KIF26B: variants seen among roughly 807,000 people sequenced by gnomAD.
The protein encoded by KIF26B is kinesin family member 26B, also known as kinesin-like protein KIF26B.
Under a neutral mutation model 151.2 loss-of-function variants are expected in KIF26B, and 63 were observed. That is an observed-to-expected ratio of 0.42 (90% CI 0.34 to 0.51). KIF26B has a LOEUF of 0.51. KIF26B is among the 20% of genes least tolerant of loss of function. KIF26B has a pLI of 0.07. For missense variants in KIF26B, 2,813 were observed against 2,913.6 expected, an observed-to-expected ratio of 0.97 and a Z score of 0.79; for synonymous variants, 1,357 against 1,262.1, an observed-to-expected ratio of 1.08 and a Z score of -1.59.
chr1:245,410,424 A>T (rs1093938), intron 3 of KIF26B, among the ~76,000 whole-genome samples: 101,613 of 151,952 alleles, frequency 0.67, 35,121 homozygotes, highest in African/African-American at 0.85. Flanking sequence ...AACAAGTAAC[A>T]CTCTGGTGTT....
chr1:245,683,843 C>T (rs2044470829), intron 10 of KIF26B, among the ~76,000 whole-genome samples: 1 of 152,172 alleles, frequency 6.6e-6, no homozygotes, highest in African/African-American at 2.4e-5. Context: ...TGTGTGGAAA[C>T]CCTGGAGAAA....
chr1:245,423,688 G>A (rs1193503356), intron 4 of KIF26B, among the ~76,000 whole-genome samples: 1 of 152,066 alleles, frequency 6.6e-6, no homozygotes, highest in East Asian at 1.9e-4. Context: ...TTTACACGGT[G>A]TTTTCCTGTT....
At chr1:245,593,345 C>T (rs377480155) in intron 5 of KIF26B, among the ~76,000 whole-genome samples, 4 of 152,098 alleles carry the variant, frequency 2.6e-5, no homozygotes, top group South Asian at 2.1e-4. Context: ...CAACAGGCCC[C>T]GGTGTATGAT....
At chr1:245,342,755 C>A (rs1672360672) in intron 2 of KIF26B, among the ~76,000 whole-genome samples, 1 of 152,128 alleles carries the variant, frequency 6.6e-6, no homozygotes, top group East Asian at 1.9e-4. Context: ...GAGACGTCAA[C>A]CTGACATAGG....
chr1:245,594,128 C>T (rs2103139060), intron 5 of KIF26B, among the ~76,000 whole-genome samples: 1 of 152,284 alleles, frequency 6.6e-6, no homozygotes, highest in South Asian at 2.1e-4. Context: ...TGCCTGTTCA[C>T]TCTGATGATA....
chr1:245,175,779 TTTCTC>T (rs1472942686), intron 2 of KIF26B, among the ~76,000 whole-genome samples: 2 of 152,068 alleles, frequency 1.3e-5, no homozygotes, highest in Non-Finnish European at 2.9e-5. Context: ...TTCTAATTGT[TTTCTC>T]TTCTTGTGTA....
chr1:245,390,138 G>A (rs555973301), intron 3 of KIF26B, among the ~76,000 whole-genome samples: 3 of 149,584 alleles, frequency 2.0e-5, no homozygotes, highest in African/African-American at 7.4e-5. Flanking sequence ...TGCTGGTCAT[G>A]CTATTACTCA....
intron 9 of KIF26B, among the ~76,000 whole-genome samples, chr1:245,627,200 A>G (rs771017618): frequency 4.6e-5 from 7 of 152,008 alleles, no homozygotes; most frequent in Non-Finnish European, 5.9e-5. Context: ...GTTTTCCAGT[A>G]TTGCTTTGTG....
At chr1:245,188,523 A>G (rs1020919838) in intron 2 of KIF26B, among the ~76,000 whole-genome samples, 7 of 152,162 alleles carry the variant, frequency 4.6e-5, no homozygotes, top group African/African-American at 1.4e-4. Flanking sequence ...CAAACTGATG[A>G]CGAAGATATG....
rs1553270131 is a variant in KIF26B at position 245,390,943 on chromosome 1, A to AAAAAAAAAAAAAAAAACAAAACAAAAC, written c.999+23585_999+23586insAAAAAAACAAAACAAAACAAAAAAAAA. On this transcript the variant is annotated intron_variant, in intron 3 of 14. Coordinates refer to ENST00000407071, the MANE Select transcript of KIF26B (RefSeq NM_018012.4). ...TCTCAAAAAAAAAAAAAAAAAAAAAAAAAAAAAAACCACCATAAAATTTTG... is the reference window on the plus strand; with the variant it reads ...TCTCAAAAAAAAAAAAAAAAAAAAAAAAAAAAAAAAAAAAAACAAAACAAAACAAAAAAAAACCACCATAAAATTTTG... Among the ~76,000 whole-genome samples the AAAAAAAAAAAAAAAAACAAAACAAAAC allele has an allele frequency of 3.7e-4, 44 of 118,440 alleles. 1 individual carries two copies. Among genetic ancestry groups the AAAAAAAAAAAAAAAAACAAAACAAAAC allele is most frequent in the African/African-American group, 7.8e-4 (19 of 24,436 alleles). 77.7% of individuals were successfully genotyped at this position (118,440 alleles called of 152,430 possible). A position where few individuals can be genotyped will look rare whatever the true frequency, so the allele number is the denominator to read the frequency against.
At chr1:245,681,496 A>AC (rs879882153) in intron 10 of KIF26B, among the ~76,000 whole-genome samples, 4 of 152,106 alleles carry the variant, frequency 2.6e-5, no homozygotes, top group Non-Finnish European at 4.4e-5. Context: ...GGCATGAGCC[A>AC]CCGCGCCCGG....
Position 245,390,018 on chromosome 1 carries a change from G to A in KIF26B, c.999+22651G>A, listed in dbSNP as rs146456243. On this transcript the variant is annotated intron_variant, in intron 3 of 14. Coordinates refer to ENST00000407071, the MANE Select transcript of KIF26B (RefSeq NM_018012.4). ...CGAAACTATTTTCATGTAATACTCCGACGCTATCTGCCTTTTTTACGGTGT... is the reference window on the plus strand; with the variant it reads ...CGAAACTATTTTCATGTAATACTCCAACGCTATCTGCCTTTTTTACGGTGT... Among the ~76,000 whole-genome samples the A allele has an allele frequency of 3.9e-5, 6 of 152,212 alleles. No homozygotes were observed. The East Asian group carries it at 9.7e-4, about 25-fold the overall frequency.
intron 2 of KIF26B, among the ~76,000 whole-genome samples, chr1:245,335,605 C>CGGGGAAAGGAGAGGCCCACGA (rs1672204156): frequency 6.9e-6 from 1 of 145,396 alleles, no homozygotes; most frequent in Admixed American, 6.8e-5. Context: ...GAGTGCCACG[C>CGGGGAAAGGAGAGGCCCACGA]GGGGAAAGGA....
chr1:245,493,785 A>G (rs1660454692), intron 4 of KIF26B, among the ~76,000 whole-genome samples: 1 of 152,204 alleles, frequency 6.6e-6, no homozygotes, highest in Non-Finnish European at 1.5e-5. Context: ...AACTTTTGGC[A>G]GTATAATGAG....
At chr1:245,287,129 A>G (rs189749770) in intron 2 of KIF26B, among the ~76,000 whole-genome samples, 17 of 152,336 alleles carry the variant, frequency 1.1e-4, no homozygotes, top group Non-Finnish European at 2.2e-4. Context: ...AAATTTTTTA[A>G]AAAATTTTCT....
chr1:245,586,195 G>GTGTGTT (rs1239556943), intron 5 of KIF26B, among the ~76,000 whole-genome samples: 2 of 137,420 alleles, frequency 1.5e-5, no homozygotes, highest in African/African-American at 5.7e-5. Context: ...GTGTGTGTGT[G>GTGTGTT]TGTTTGTTTT....
At chr1:245,247,571 C>T (rs1670361248) in intron 2 of KIF26B, among the ~76,000 whole-genome samples, 1 of 152,214 alleles carries the variant, frequency 6.6e-6, no homozygotes, top group Non-Finnish European at 1.5e-5. Context: ...AGAAGCAGGG[C>T]ACGATGGCGT....
chr1:245,355,858 G>C (rs1347609121), intron 2 of KIF26B, among the ~76,000 whole-genome samples: 1 of 152,180 alleles, frequency 6.6e-6, no homozygotes, highest in East Asian at 1.9e-4. Context: ...GCTCCTGTCT[G>C]AAGGCCACAG....
intron 2 of KIF26B, among the ~76,000 whole-genome samples, chr1:245,263,428 G>A (rs1436444821): frequency 6.6e-6 from 1 of 152,156 alleles, no homozygotes; most frequent in Non-Finnish European, 1.5e-5. Flanking sequence ...TAGTCATAAT[G>A]TTAGCACGGT....
Sources: allele counts gnomAD v4.1 joint callset (sites outside exome capture counted in the v4.1 genomes callset), GRCh38; gene constraint gnomAD v4.1.1; transcripts MANE v1.5; gene names NCBI Gene and HGNC (gene_info 2026-07-23, HGNC 2026-07-21).